The following NRG3 variants were observed in gnomAD, a reference collection of about 807,000 sequenced individuals.
NRG3 encodes the protein pro-neuregulin-3, membrane-bound isoform.
NRG3 carries 31 observed loss-of-function variants against 66.9 expected under a neutral mutation model. The ratio of observed to expected loss-of-function variants is 0.46; its 90% CI spans 0.35 to 0.63. The LOEUF is 0.63. NRG3 is among the 20% of genes least tolerant of loss of function. The pLI is 0.00. For missense variants in NRG3, 910 were observed against 878.9 expected (o/e 1.04, Z -0.45); for synonymous variants, 393 against 359.4 (o/e 1.09, Z -1.06).
chr10:82,275,935 T>C (rs974420774), intron 1 of NRG3, among the ~76,000 whole-genome samples: 18 of 151,970 alleles, frequency 1.2e-4, no homozygotes, highest in Non-Finnish European at 4.4e-5. Flanking sequence ...ACTTAATATG[T>C]GATATTATTA....
In NRG3 at chr10:82,799,491, A is replaced by G. The variant is rs1435544917; in HGVS notation, c.1027+60841A>G. ...CAGTGAGGTGAGATTGCGCCATTGC[A>G]CTCCAGCCTGGGTGACAAGAGCGAA... On this transcript the variant is annotated intron_variant, in intron 3 of 8. Transcript: ENST00000372141. Among the ~76,000 whole-genome samples the G allele has an allele frequency of 5.5e-5, 8 of 145,094 alleles. No homozygotes were observed. In the South Asian group the frequency reaches 1.7e-3, roughly 31 times the overall value.
intron 1 of NRG3, among the ~76,000 whole-genome samples, chr10:82,137,805 C>A (rs2069479157): frequency 6.6e-6 from 1 of 152,150 alleles, no homozygotes; most frequent in African/African-American, 2.4e-5. Flanking sequence ...ATACTACAGA[C>A]AGAATGTTAA....
chr10:82,460,065 T>C (rs531970109), intron 2 of NRG3, among the ~76,000 whole-genome samples: 144 of 152,312 alleles, frequency 9.5e-4, no homozygotes, highest in Admixed American at 2.0e-3. Context: ...CTTTCTCCGC[T>C]TTTTGCTGCC....
chr10:82,304,040 T>C (rs1023976948), intron 1 of NRG3, among the ~76,000 whole-genome samples: 1 of 152,074 alleles, frequency 6.6e-6, no homozygotes, highest in Admixed American at 6.5e-5. Flanking sequence ...AGAAGTAGAA[T>C]TGGGGTATAA....
intron 7 of NRG3, among the ~76,000 whole-genome samples, chr10:82,974,620 C>T (rs1171779430): frequency 6.6e-6 from 1 of 152,142 alleles, no homozygotes; most frequent in Non-Finnish European, 1.5e-5. Flanking sequence ...CATCCTCAAT[C>T]TTTATGGAAG....
chr10:82,214,638 A>T (rs971667517), intron 1 of NRG3, among the ~76,000 whole-genome samples: 8 of 152,014 alleles, frequency 5.3e-5, no homozygotes, highest in Non-Finnish European at 8.8e-5. Context: ...AATTAAAAAA[A>T]ATTTTTTTTG....
At chr10:82,887,872 T>G (rs903432838) in intron 4 of NRG3, among the ~76,000 whole-genome samples, 5 of 152,246 alleles carry the variant, frequency 3.3e-5, no homozygotes, top group African/African-American at 7.2e-5. Flanking sequence ...GCAAGTTATA[T>G]TAAAAGAATT....
At chr10:82,358,121 A>T (rs745788754) in intron 1 of NRG3, among the ~76,000 whole-genome samples, 1 of 152,228 alleles carries the variant, frequency 6.6e-6, no homozygotes, top group Non-Finnish European at 1.5e-5. Flanking sequence ...TGTTTAAGAT[A>T]TGCTAAAAAA....
At chr10:82,416,658 T>C (rs2136200231) in intron 2 of NRG3, among the ~76,000 whole-genome samples, 1 of 152,276 alleles carries the variant, frequency 6.6e-6, no homozygotes, top group Middle Eastern at 3.4e-3. Flanking sequence ...TTGTTCTACC[T>C]TCTCAGCCTC....
intron 2 of NRG3, among the ~76,000 whole-genome samples, chr10:82,446,943 C>G (rs2090758521): frequency 6.6e-6 from 1 of 152,114 alleles, no homozygotes. Context: ...TACCTGCTCC[C>G]AGAAACAGTA....
intron 1 of NRG3, among the ~76,000 whole-genome samples, chr10:82,296,298 G>T (rs1327919509): frequency 6.6e-6 from 1 of 152,144 alleles, no homozygotes; most frequent in Non-Finnish European, 1.5e-5. Context: ...CGTTTATTAG[G>T]CAGGGTTGAG....
intron 2 of NRG3, among the ~76,000 whole-genome samples, chr10:82,698,912 C>A (rs1458167762): frequency 6.6e-6 from 1 of 152,116 alleles, no homozygotes; most frequent in African/African-American, 2.4e-5. Context: ...TATACCACAC[C>A]TGTACTTCAC....
intron 1 of NRG3, among the ~76,000 whole-genome samples, chr10:82,248,634 A>G (rs753650935): frequency 8.5e-5 from 13 of 152,224 alleles, no homozygotes; most frequent in Non-Finnish European, 1.6e-4. Flanking sequence ...AATGCTTAAA[A>G]TAATTCCTGG....
intron 4 of NRG3, among the ~76,000 whole-genome samples, chr10:82,868,347 A>G (rs1840966822): frequency 6.6e-6 from 1 of 152,246 alleles, no homozygotes; most frequent in African/African-American, 2.4e-5. Context: ...GTTCATCTAC[A>G]TGAACCACAA....
chr10:82,149,922 AC>A lies in NRG3; in HGVS notation c.824-208815del, dbSNP rs548265280. Among the ~76,000 whole-genome samples, 525 of 152,188 alleles carry A rather than the reference AC, an allele frequency of 3.4e-3. 3 individuals carry two copies. The highest frequency in any genetic ancestry group is 0.012 in the African/African-American group (501 of 41,524). On this transcript the variant is annotated intron_variant, in intron 1 of 8. Transcript: ENST00000372141. ...GACTAGAATAGAATAGAATAAGCCG[AC>A]CTTTAACTACAGTCCTTAAATGAGG...
intron 1 of NRG3, among the ~76,000 whole-genome samples, chr10:82,191,562 A>C (rs1398708350): frequency 6.6e-6 from 1 of 152,062 alleles, no homozygotes; most frequent in Non-Finnish European, 1.5e-5. Context: ...CAATCTTCTT[A>C]TTTTCTTAAC....
chr10:82,728,454 G>T (rs1490033387), intron 2 of NRG3, among the ~76,000 whole-genome samples: 2 of 152,150 alleles, frequency 1.3e-5, no homozygotes, highest in Non-Finnish European at 2.9e-5. Flanking sequence ...CCCTGCACAA[G>T]CTCTCTTTTT....
At chr10:82,028,490 G>C (rs946903595) in intron 1 of NRG3, among the ~76,000 whole-genome samples, 36 of 152,172 alleles carry the variant, frequency 2.4e-4, no homozygotes, top group African/African-American at 8.2e-4. Context: ...TGTTGAGCCA[G>C]GATGATCCTC....
intron 2 of NRG3, among the ~76,000 whole-genome samples, chr10:82,515,281 C>T (rs1282838266): frequency 2.0e-5 from 3 of 152,136 alleles, no homozygotes; most frequent in Admixed American, 6.5e-5. Context: ...ACAAAATAAA[C>T]ACCCAAGGAA....
Sources: gnomAD v4.1 joint callset for allele counts (sites outside exome capture counted in the v4.1 genomes callset) on GRCh38, gnomAD v4.1.1 for gene constraint, MANE v1.5 for transcripts, NCBI Gene and HGNC (gene_info 2026-07-23, HGNC 2026-07-21) for gene names.